The following AMOTL1 variants were observed in gnomAD, a reference collection of about 807,000 sequenced individuals.
The protein encoded by AMOTL1 is angiomotin like 1.
AMOTL1 carries 45 observed loss-of-function variants against 102.9 expected under a neutral mutation model. That is an observed-to-expected ratio of 0.44 (90% CI 0.34 to 0.56). The LOEUF (loss-of-function observed/expected upper bound fraction) is 0.56, where lower values mean the gene tolerates loss of function less well. Among genes scored for constraint, AMOTL1 ranks in the 20% least tolerant of loss-of-function variants. AMOTL1 has a pLI of 0.01. For synonymous variants in AMOTL1, 481 were observed against 484.7 expected (o/e 0.99, Z 0.10); for missense variants, 1,114 against 1,225.6 (o/e 0.91, Z 1.36).
At chr11:94,862,099 C>A (rs1007553815) in intron 9 of AMOTL1, among the ~76,000 whole-genome samples, 1 of 152,150 alleles carries the variant, frequency 6.6e-6, no homozygotes, top group Non-Finnish European at 1.5e-5. Flanking sequence ...GAGGGAGCCC[C>A]TTTCCATCCC....
intron 3 of AMOTL1, among the ~76,000 whole-genome samples, chr11:94,760,193 A>G (rs1950774910): frequency 6.6e-6 from 1 of 152,226 alleles, no homozygotes. Flanking sequence ...ATTGTAATCA[A>G]ATACATAGAC....
chr11:94,825,825 A>G (rs568995663), intron 4 of AMOTL1, among the ~76,000 whole-genome samples: 7 of 152,248 alleles, frequency 4.6e-5, no homozygotes, highest in Non-Finnish European at 7.3e-5. Context: ...TAAAATTCTT[A>G]AAATGAGTCT....
intron 6 of AMOTL1, among the ~76,000 whole-genome samples, chr11:94,834,827 T>C (rs1429379882): frequency 6.6e-6 from 1 of 152,168 alleles, no homozygotes; most frequent in Non-Finnish European, 1.5e-5. Flanking sequence ...TCCCAGTTAA[T>C]GGAGGGAGGA....
At chr11:94,859,500 C>T in intron 8 of AMOTL1, 25 bp from the exon 9 acceptor site, 1 of 1,594,572 alleles carries the variant, frequency 6.3e-7, no homozygotes, top group Non-Finnish European at 8.5e-7. Context: ...TTTTGAGCAT[C>T]AAGATTTTTT....
At chr11:94,840,681 TAC>T (rs111907230) in intron 6 of AMOTL1, among the ~76,000 whole-genome samples, 27,969 of 103,292 alleles carry the variant, frequency 0.27, 3,457 homozygotes, top group Non-Finnish European at 0.33. Flanking sequence ...TATATATATA[TAC>T]ACACACACAC....
At chr11:94,862,364 A>G (rs1221545233) in intron 9 of AMOTL1, among the ~76,000 whole-genome samples, 2 of 152,216 alleles carry the variant, frequency 1.3e-5, no homozygotes, top group East Asian at 3.8e-4. Flanking sequence ...CTTATTGACT[A>G]GGTGCTAAAT....
chr11:94,754,082 T>C lies in AMOTL1; in HGVS notation c.136+13094T>C, dbSNP rs562296677. 3.7e-4 allele frequency among the ~76,000 whole-genome samples: 56 copies of C among 152,294 alleles called. 2 individuals carry two copies. The South Asian group carries it at 0.011, about 31-fold the overall frequency. ...TATGGGAAGGCAAATATCTACTTCA[T>C]AGGGTTATTGGAAGGGGTTAAGTGA... On this transcript the variant is annotated intron_variant, in intron 3 of 4. Coordinates refer to the AMOTL1 transcript ENST00000299004.
intron 3 of AMOTL1, among the ~76,000 whole-genome samples, chr11:94,806,322 G>A (rs1185814479): frequency 1.3e-5 from 2 of 152,226 alleles, no homozygotes; most frequent in African/African-American, 4.8e-5. Context: ...CAAGAAAGAA[G>A]GTTTGATGGT....
At chr11:94,706,855 A>T (rs1949937031) in intron 1 of AMOTL1, among the ~76,000 whole-genome samples, 1 of 152,170 alleles carries the variant, frequency 6.6e-6, no homozygotes, top group Non-Finnish European at 1.5e-5. Flanking sequence ...TTAGGTGCCT[A>T]TTCTAAGAGC....
chr11:94,729,600 C>A (rs1280646710), intron 2 of AMOTL1, among the ~76,000 whole-genome samples: 1 of 152,100 alleles, frequency 6.6e-6, no homozygotes, highest in Non-Finnish European at 1.5e-5. Context: ...AATATAAGAA[C>A]CATACCCTGA....
intron 6 of AMOTL1, among the ~76,000 whole-genome samples, chr11:94,843,147 C>A (rs746006720): frequency 6.6e-6 from 1 of 152,166 alleles, no homozygotes; most frequent in African/African-American, 2.4e-5. Context: ...AAAAAGACAA[C>A]AAAAAATCAA....
chr11:94,804,704 T>A (rs1183112018), intron 3 of AMOTL1, among the ~76,000 whole-genome samples: 1 of 151,912 alleles, frequency 6.6e-6, no homozygotes, highest in Admixed American at 6.6e-5. Context: ...AGGCTTTTTG[T>A]GTTTCTTGTT....
At position 94,808,662 on chromosome 11, in the gene AMOTL1, C is replaced by G. The variant is rs184713634; in HGVS notation, c.1121+8351C>G. Among the ~76,000 whole-genome samples the G allele has an allele frequency of 7.9e-5, 12 of 152,318 alleles. No individual in the cohort carries two copies. The East Asian group carries it at 1.9e-3, about 24-fold the overall frequency. On this transcript the variant is annotated intron_variant, in intron 3 of 12. Transcript: ENST00000433060. ...TGCTCACTGAAATCTGGAACTGGCT[C>G]TCCAGAACCAGGCCTTCTAGGGTAC...
intron 1 of AMOTL1, among the ~76,000 whole-genome samples, chr11:94,773,876 T>TA (rs1167598317): frequency 1.3e-5 from 2 of 152,312 alleles, no homozygotes; most frequent in East Asian, 3.9e-4. Context: ...GAGTTATGTA[T>TA]ATGTTAAAAT....
intron 3 of AMOTL1, among the ~76,000 whole-genome samples, chr11:94,807,198 G>A (rs192566668): frequency 6.6e-6 from 1 of 152,228 alleles, no homozygotes; most frequent in Non-Finnish European, 1.5e-5. Flanking sequence ...ATTATCCAGA[G>A]ATACCATTGT....
At position 94,875,425 on chromosome 11, in the gene AMOTL1, T is replaced by G. The variant is rs1953078385; in HGVS notation, c.*4630T>G. 1 of 152,230 alleles carries G rather than the reference T, an allele frequency of 6.6e-6. No individual in the cohort carries two copies. The highest frequency in any genetic ancestry group is 2.4e-5 in the African/African-American group (1 of 41,458). 9.4% of individuals were successfully genotyped at this position (152,230 alleles called of 1,614,324 possible). Reference sequence around the variant, plus strand: ...TATGAGGTATGACTATAGGGTTGTTTGTGGGAATTTCTTTTCCTAACATAC... The same window carrying G: ...TATGAGGTATGACTATAGGGTTGTTGGTGGGAATTTCTTTTCCTAACATAC... On this transcript the variant is annotated 3_prime_UTR_variant, in exon 13 of 13. Transcript: ENST00000433060.
Position 94,854,052 on chromosome 11 carries a change from G to T in AMOTL1, c.1914G>T (p.Glu638Asp). The change falls in exon 8 of 13, where the codon GAG (glutamate) becomes GAT (aspartate). Residue 638 changes from glutamate to aspartate, a missense_variant. Transcript: ENST00000433060. ...AGCGGAGACTGCGGACTTGGCTGGA[G>T]AGAGAGCTGGATGCACTGAGAACCC... ...QMERRLRTWLERELDALRTQQ... is the reference protein window; with the variant it reads ...QMERRLRTWLDRELDALRTQQ... The T allele has an allele frequency of 6.4e-7, 1 of 1,555,012 alleles. No homozygotes were observed. The highest frequency in any genetic ancestry group is 8.7e-7 in the Non-Finnish European group (1 of 1,148,138).
intron 1 of AMOTL1, among the ~76,000 whole-genome samples, chr11:94,716,743 G>A (rs888353213): frequency 2.2e-4 from 34 of 152,208 alleles, no homozygotes; most frequent in African/African-American, 7.9e-4. Flanking sequence ...TTGGATATGG[G>A]ATAGGTACCC....
rs1026966407 is a variant in AMOTL1 at position 94,869,110 on chromosome 11, C to T, written c.2489-88C>T. 5.8e-6 allele frequency: 8 copies of T among 1,375,316 alleles called. No homozygotes were observed. The African/African-American group carries it at 1.2e-4, about 20-fold the overall frequency. 85.2% of individuals were successfully genotyped at this position (1,375,316 alleles called of 1,614,324 possible). ...ATCAATGAATGAATGAAGCAATCAT[C>T]AATCAACAAGGAACAGATCTGCAAG... is the stretch of plus-strand genomic sequence containing the variant. On this transcript the variant is annotated intron_variant, in intron 11 of 12. Coordinates refer to ENST00000433060, the MANE Select transcript of AMOTL1 (RefSeq NM_130847.3).
Sources: allele counts gnomAD v4.1 joint callset (sites outside exome capture counted in the v4.1 genomes callset), GRCh38; gene constraint gnomAD v4.1.1; transcripts MANE v1.5; gene names NCBI Gene and HGNC (gene_info 2026-07-23, HGNC 2026-07-21).